Variants in DNAH2 observed in about 807,000 individuals in gnomAD.
DNAH2 encodes the protein axonemal beta dynein heavy chain 2.
DNAH2 carries 323 observed loss-of-function variants against 523.5 expected under a neutral mutation model. The observed-to-expected ratio is 0.62, with a 90% CI of 0.56 to 0.68. The LOEUF is 0.68. DNAH2 is among the 30% of genes least tolerant of loss of function. The pLI, the probability that DNAH2 is intolerant of heterozygous loss-of-function variation, is 0.00. For synonymous variants in DNAH2, 2,093 were observed against 2,177.4 expected, an observed-to-expected ratio of 0.96 and a Z score of 1.08; for missense variants, 4,907 against 5,701.5, an observed-to-expected ratio of 0.86 and a Z score of 4.49.
At chr17:7,721,824 G>A (rs1451377503) in intron 2 of DNAH2, among the ~76,000 whole-genome samples, 1 of 152,176 alleles carries the variant, frequency 6.6e-6, no homozygotes, top group Non-Finnish European at 1.5e-5. Flanking sequence ...AGTGGGTGTG[G>A]CAGAACTGAA....
rs1026203354 is a variant in DNAH2, at chr17:7,801,699, A to T, written c.8821A>T (p.Thr2941Ser). 3.7e-6 allele frequency: 6 copies of T among 1,613,776 alleles called. No homozygotes were observed. Among genetic ancestry groups the T allele is most frequent in the Non-Finnish European group, 5.1e-6 (6 of 1,179,926 alleles). The part of the protein sequence containing the change: ...EKCLIGVDLG[T>S]QENIHRKVAQ... ...GTGCCTCATAGGAGTAGACCTGGGA[A>T]CTCAGGAGAATGTGAGCCCCTCCTC... The change falls in exon 57 of 86, where the codon ACT becomes TCT. Residue 2941 changes from threonine to serine, a missense_variant. Thr to Ser is a moderately conservative substitution (Grantham distance 58). Transcript: ENST00000572933.
At chr17:7,771,870 C>T (rs2076326481) in intron 28 of DNAH2, among the ~76,000 whole-genome samples, 1 of 152,062 alleles carries the variant, frequency 6.6e-6, no homozygotes, top group African/African-American at 2.4e-5. Context: ...GCGTGTGCCA[C>T]TACCTCTGGC....
Position 7,819,344 on chromosome 17 carries a change from C to A in DNAH2, c.10951C>A (p.Arg3651Ser). ...TATTCTCAGCATTGACAAAAGCCAC[C>A]GCAGCAATAAGCTGGAGGACCGCAT... The part of the protein sequence containing the change: ...LFILSIDKSH[R>S]SNKLEDRIDY... The change falls in exon 72 of 86, where the codon CGC becomes AGC. Residue 3651 changes from arginine (R) to serine (S), a missense_variant. Arg to Ser is a moderately radical substitution (Grantham distance 110). This residue lies in a region of DNAH2 where 1,851 missense variants were observed against 2,139.4 expected (regional missense o/e 0.87). Transcript: ENST00000572933. 1 of 1,614,224 alleles carries A rather than the reference C, an allele frequency of 6.2e-7. No homozygotes were observed. The highest frequency in any genetic ancestry group is 8.5e-7 in the Non-Finnish European group (1 of 1,180,040).
At position 7,786,070 on chromosome 17, in the gene DNAH2, C is replaced by A. The variant is rs544314963; in HGVS notation, c.6130-54C>A. ...CTGGCACCGGGGAGATTTTGAAAGC[C>A]CTTTAAAGGCCTCATCCTTTTTCTT... On this transcript the variant is annotated intron_variant, in intron 39 of 85. Transcript: ENST00000572933. This position sits in a 1 kb window ranked among gnomAD's most constrained non-coding sequence, Gnocchi z 7.5. The A allele has an allele frequency of 2.4e-5, 38 of 1,586,172 alleles. No individual in the cohort carries two copies. The African/African-American group carries it at 5.0e-4, about 21-fold the overall frequency.
At chr17:7,749,748 G>A (rs183883416) in intron 12 of DNAH2, among the ~76,000 whole-genome samples, 1 of 152,058 alleles carries the variant, frequency 6.6e-6, no homozygotes, top group South Asian at 2.1e-4. Context: ...TCTAATCCCA[G>A]CACTTCAGGA....
In DNAH2 at chr17:7,727,141, G is replaced by C; in HGVS notation, c.248G>C (p.Arg83Pro). Residue 83 changes from arginine (R) to proline (P), a missense_variant, in exon 4 of 86, where the codon CGA becomes CCA. Around this residue, in one of 3 missense-constraint regions of DNAH2, gnomAD observed 2,806 missense variants for 3,190.8 expected, o/e 0.88. Transcript: ENST00000572933. ...CTGTAGAAGCCCCTCTTCCTTTCCC[G>C]AGCTGCGCTGACAGGACTGGCGGAT... is the stretch of plus-strand genomic sequence containing the variant. ...EADVKPLFLS[R>P]AALTGLADAV... The C allele has an allele frequency of 1.3e-6, 2 of 1,571,982 alleles. No homozygotes were observed. The highest frequency in any genetic ancestry group is 1.7e-6 in the Non-Finnish European group (2 of 1,165,294).
rs145702452 is a variant in DNAH2 at position 7,800,464 on chromosome 17, T to C, written c.8700-1114T>C. 1.8e-3 allele frequency among the ~76,000 whole-genome samples: 269 copies of C among 152,328 alleles called. 1 individual carries two copies. Among genetic ancestry groups the C allele is most frequent in the Middle Eastern group, 0.017 (5 of 294 alleles). On this transcript the variant is annotated intron_variant, in intron 56 of 85. Coordinates refer to ENST00000572933, the MANE Select transcript of DNAH2 (RefSeq NM_020877.5). ...CTTTTTTTAAGGCTGAATAATATTATCTTGTATGTCTATACCACATTTTCT... is the reference window on the plus strand; with the variant it reads ...CTTTTTTTAAGGCTGAATAATATTACCTTGTATGTCTATACCACATTTTCT...
At position 7,818,623 on chromosome 17, in the gene DNAH2, G is replaced by A. The variant is rs772987813; in HGVS notation, c.10537-20G>A. The A allele has an allele frequency of 6.2e-7, 1 of 1,613,432 alleles. No homozygotes were observed. The highest frequency in any genetic ancestry group is 8.5e-7 in the Non-Finnish European group (1 of 1,179,856). ...GTCGAAGGAGTGACAGCCCCTCACT[G>A]TGAGTCCTGATGCCCCCAGGGCCTG... On this transcript the variant is annotated intron_variant, in intron 69 of 85. Coordinates refer to ENST00000572933, the MANE Select transcript of DNAH2 (RefSeq NM_020877.5).
chr17:7,833,320 C>T (rs2078246456), intron 85 of DNAH2, 59 bp from the exon 86 acceptor site: 5 of 1,609,140 alleles, frequency 3.1e-6, no homozygotes, highest in Non-Finnish European at 4.2e-6. Context: ...TCCTGCCCTG[C>T]TCCTGCCCTG....
Position 7,792,234 on chromosome 17 carries a change from C to T in DNAH2, c.7054-18C>T, listed in dbSNP as rs750232659. 6.2e-7 allele frequency: 1 copy of T among 1,612,104 alleles called. No individual in the cohort carries two copies. Among genetic ancestry groups the T allele is most frequent in the South Asian group, 1.1e-5 (1 of 91,026 alleles). ...CTCAAGGAAGGCTTTGGTAACCTGA[C>T]CTACATGCCCTCCTTAGGACACGGT... On this transcript the variant is annotated intron_variant, in intron 45 of 85. Coordinates refer to ENST00000572933, the MANE Select transcript of DNAH2 (RefSeq NM_020877.5).
rs200728940 is a variant in DNAH2 at position 7,792,048 on chromosome 17, C to T, written c.7032C>T (p.Ile2344=). 3.8e-5 allele frequency: 61 copies of T among 1,613,676 alleles called. No homozygotes were observed. In the East Asian group the frequency reaches 7.4e-4, roughly 19 times the overall value. The stretch of plus-strand genomic sequence containing the variant: ...GGATCGACAGCTACCTCCGAGAGAT[C>T]GAGGGCTCCTTTCCCAATAAGGTTG... ...RKRIDSYLRE[I]EGSFPNKDTV... Residue 2344 remains isoleucine (I), a synonymous_variant, in exon 45 of 86, where the codon ATC becomes ATT. Transcript: ENST00000572933.
At position 7,792,326 on chromosome 17, in the gene DNAH2, T is replaced by G. The variant is rs757331582; in HGVS notation, c.7128T>G (p.Ser2376Arg). 3.7e-6 allele frequency: 6 copies of G among 1,613,376 alleles called. No homozygotes were observed. The highest frequency in any genetic ancestry group is 4.2e-6 in the Non-Finnish European group (5 of 1,179,900). ...CATTTGAGGACAAGCTCCCTAAGAG[T>G]TGGCGCTACCCTCCAAAGTAAGAGC... is the stretch of plus-strand genomic sequence containing the variant. ...WTSFEDKLPKSWRYPPNAPFY... is the reference protein window; with the variant it reads ...WTSFEDKLPKRWRYPPNAPFY... The change falls in exon 46 of 86, where the codon AGT becomes AGG. Residue 2376 changes from serine to arginine, a missense_variant. Physicochemically the swap from Ser to Arg is moderately radical, Grantham distance 110. Coordinates refer to ENST00000572933, the MANE Select transcript of DNAH2 (RefSeq NM_020877.5).
intron 65 of DNAH2, 53 bp downstream of exon 65, chr17:7,817,468 A>T: frequency 6.2e-7 from 1 of 1,613,314 alleles, no homozygotes; most frequent in Admixed American, 1.7e-5. Flanking sequence ...GGCTGGGGGC[A>T]GGACCTTTGG....
At chr17:7,725,853 CTATATG>C (rs1162467379) in intron 3 of DNAH2, among the ~76,000 whole-genome samples, 1 of 151,822 alleles carries the variant, frequency 6.6e-6, no homozygotes, top group Non-Finnish European at 1.5e-5. Context: ...TTCATCCTGT[CTATATG>C]TATTATAGGA....
At chr17:7,770,123 C>T (rs144274313) in intron 24 of DNAH2, 129 bp from the exon 25 acceptor site, 61 of 1,275,226 alleles carry the variant, frequency 4.8e-5, no homozygotes, top group East Asian at 3.5e-4. Flanking sequence ...ATTGCATCTT[C>T]GAGCCTGTTT....
chr17:7,749,306 CCCAAAAAAAA>C (rs2075607118), intron 12 of DNAH2, among the ~76,000 whole-genome samples: 6 of 3,504 alleles, frequency 1.7e-3, no homozygotes, highest in African/African-American at 0.01. Context: ...TAAACTCCCC[CCCAAAAAAAA>C]AAAAAAAAAA....
chr17:7,740,730 G>A, intron 10 of DNAH2, 80 bp from the exon 11 acceptor site: 1 of 1,551,980 alleles, frequency 6.4e-7, no homozygotes, highest in Non-Finnish European at 8.7e-7. Context: ...GCAGCGGGGT[G>A]CAGCTTTCCT....
rs1377410362 is a variant in DNAH2, at chr17:7,734,236, A to G, written c.682A>G (p.Met228Val). The stretch of plus-strand genomic sequence containing the variant: ...GGTCCTCTACATCCCTGCAGAGGCC[A>G]TGAACATGAAGCCTGAGATGGTGAT... ...HTVLYIPAEA[M>V]NMKPEMVIKD... Residue 228 changes from methionine to valine, a missense_variant, in exon 6 of 86, where the codon ATG becomes GTG. Around this residue, in one of 3 missense-constraint regions of DNAH2, gnomAD observed 2,806 missense variants for 3,190.8 expected, o/e 0.88. Transcript: ENST00000572933. 7.5e-6 allele frequency: 12 copies of G among 1,607,190 alleles called. No homozygotes were observed. The East Asian group carries it at 1.1e-4, about 15-fold the overall frequency.
intron 72 of DNAH2, among the ~76,000 whole-genome samples, chr17:7,819,953 A>G (rs541430613): frequency 1.3e-5 from 2 of 152,242 alleles, no homozygotes; most frequent in South Asian, 4.2e-4. Flanking sequence ...CAAGCCAGAA[A>G]TTGGGAGTTA....
Sources: gnomAD v4.1 joint callset for allele counts (sites outside exome capture counted in the v4.1 genomes callset) on GRCh38, gnomAD v4.1.1 for gene constraint, gnomAD v4.1.1 regional missense constraint, Gnocchi (gnomAD v3.1) non-coding constraint, MANE v1.5 for transcripts, NCBI Gene and HGNC (gene_info 2026-07-23, HGNC 2026-07-21) for gene names.